The following POLN variants were observed in gnomAD, a reference collection of about 807,000 sequenced individuals.
POLN encodes the protein DNA polymerase N.
POLN carries 108 observed loss-of-function variants against 113.5 expected under a neutral mutation model. The observed-to-expected ratio is 0.95, with a 90% CI of 0.81 to 1.12. The LOEUF (loss-of-function observed/expected upper bound fraction) is 1.12. POLN is among the 50% of genes most tolerant of loss of function. The pLI, the probability that POLN is intolerant of heterozygous loss-of-function variation, is 0.00. For synonymous variants in POLN, 386 were observed against 391.5 expected, an observed-to-expected ratio of 0.99 and a Z score of 0.17; for missense variants, 1,097 against 1,077.1, an observed-to-expected ratio of 1.02 and a Z score of -0.26.
In POLN at chr4:2,088,826, T is replaced by C; in HGVS notation, c.2066-3082A>G. Reference sequence around the variant, plus strand: ...AGGACTTATTTCTTTGTCCTTTACATCTTGAACTTGTCTACTATAAAGAAA... The same window carrying C: ...AGGACTTATTTCTTTGTCCTTTACACCTTGAACTTGTCTACTATAAAGAAA... On this transcript the variant is annotated intron_variant, in intron 20 of 25. Coordinates refer to ENST00000511885, the MANE Select transcript of POLN (RefSeq NM_181808.4). 2.1e-6 allele frequency: 3 copies of C among 1,457,252 alleles called. No homozygotes were observed. In the South Asian group the frequency reaches 3.8e-5, roughly 18 times the overall value. The allele number at this position is 1,457,252 out of a possible 1,614,324, so 90.3% of individuals were successfully genotyped here. A position where few individuals can be genotyped will look rare whatever the true frequency, so the allele number is the denominator to read the frequency against.
At chr4:2,119,073 C>CACTTGCCTG in intron 19 of POLN, among the ~76,000 whole-genome samples, 1 of 152,358 alleles carries the variant, frequency 6.6e-6, no homozygotes, top group East Asian at 1.9e-4. Flanking sequence ...CTGTCTTCCA[C>CACTTGCCTG]ACTTGCCTGT....
chr4:2,174,827 T>G, intron 9 of POLN, 76 bp from the exon 10 acceptor site: 1 of 800,010 alleles, frequency 1.2e-6, no homozygotes. Context: ...AAGCCTACTT[T>G]TTTTTTTTTT....
rs77600900 is a variant in POLN at position 2,237,212 on chromosome 4, C to G, written c.-13+4308G>C. On this transcript the variant is annotated intron_variant, in intron 2 of 25. Coordinates refer to ENST00000511885, the MANE Select transcript of POLN (RefSeq NM_181808.4). ...TAATCCCAGTATTGTGGGAGGGTTA[C>G]TTGAGCCCAGGAGTTCAAGACCAGA... 1.9e-3 allele frequency among the ~76,000 whole-genome samples: 283 copies of G among 151,990 alleles called. 1 individual carries two copies. Among genetic ancestry groups the G allele is most frequent in the African/African-American group, 6.4e-3 (266 of 41,458 alleles).
At chr4:2,199,818 C>T (rs1195041538) in intron 5 of POLN, among the ~76,000 whole-genome samples, 1 of 152,094 alleles carries the variant, frequency 6.6e-6, no homozygotes, top group Non-Finnish European at 1.5e-5. Context: ...CTCAGCCAAT[C>T]CGCCCACCTT....
chr4:2,179,567 C>A, intron 7 of POLN, 102 bp from the exon 8 acceptor site: 1 of 1,158,346 alleles, frequency 8.6e-7, no homozygotes, highest in South Asian at 1.4e-5. Flanking sequence ...GTAGTATTGT[C>A]ATCCTCTCAA....
intron 13 of POLN, among the ~76,000 whole-genome samples, chr4:2,159,457 T>G (rs1363722862): frequency 6.6e-6 from 1 of 152,208 alleles, no homozygotes; most frequent in Non-Finnish European, 1.5e-5. Context: ...TCTTGAGATT[T>G]AAGTTAGCGA....
intron 6 of POLN, among the ~76,000 whole-genome samples, chr4:2,197,303 C>T (rs1733604163): frequency 6.6e-6 from 1 of 152,126 alleles, no homozygotes; most frequent in Admixed American, 6.5e-5. Context: ...CAACTTGTGC[C>T]GAGTAACAGC....
intron 19 of POLN, among the ~76,000 whole-genome samples, chr4:2,098,982 A>G (rs1730862592): frequency 1.3e-5 from 2 of 152,284 alleles, no homozygotes; most frequent in Non-Finnish European, 2.9e-5. Flanking sequence ...GAGCCAACTG[A>G]AAGAGGTCCC....
intron 13 of POLN, 24 bp from the exon 14 acceptor site, chr4:2,159,235 C>T: frequency 1.9e-6 from 3 of 1,543,966 alleles, no homozygotes; most frequent in Non-Finnish European, 2.7e-6. Context: ...TAGATACTAC[C>T]AATGTAATTC....
At position 2,095,320 on chromosome 4, in the gene POLN, C is replaced by T. The variant is rs537833652; in HGVS notation, c.2065+531G>A. ...TTCAGTCCTTCCTGGCCTAGCCCCG[C>T]TTTCTCCTATCTGCTACCCCTGAGA... On this transcript the variant is annotated intron_variant, in intron 20 of 25. Coordinates refer to ENST00000511885, the MANE Select transcript of POLN (RefSeq NM_181808.4). 7.2e-5 allele frequency among the ~76,000 whole-genome samples: 11 copies of T among 152,278 alleles called. No individual in the cohort carries two copies. The East Asian group carries it at 2.1e-3, about 29-fold the overall frequency.
chr4:2,144,271 C>T (rs936207655), intron 16 of POLN, among the ~76,000 whole-genome samples: 21 of 151,178 alleles, frequency 1.4e-4, no homozygotes, highest in African/African-American at 4.6e-4. Context: ...CAGCCTCCCA[C>T]GTAGCTGGGA....
intron 20 of POLN, among the ~76,000 whole-genome samples, chr4:2,087,890 T>C (rs1422129989): frequency 2.0e-5 from 3 of 152,142 alleles, no homozygotes; most frequent in Non-Finnish European, 4.4e-5. Flanking sequence ...TGGAGGGCAA[T>C]GGTATGATCA....
At chr4:2,139,134 C>T (rs556394084) in intron 16 of POLN, among the ~76,000 whole-genome samples, 1 of 152,196 alleles carries the variant, frequency 6.6e-6, no homozygotes, top group Admixed American at 6.5e-5. Flanking sequence ...AGGGGACAAG[C>T]CGCAGGGTCA....
At chr4:2,090,525 A>G (rs370453211) in intron 20 of POLN, 2 of 500,616 alleles carry the variant, frequency 4.0e-6, no homozygotes. Context: ...ATAGCAAAAT[A>G]CAAGAATCAT....
chr4:2,208,636 T>C (rs1733917405), intron 4 of POLN, 149 bp from the exon 5 acceptor site: 1 of 621,484 alleles, frequency 1.6e-6, no homozygotes, highest in Non-Finnish European at 2.5e-6. Flanking sequence ...GGAAACCCTA[T>C]AGTGTCTTCT....
In POLN at chr4:2,214,886, CATACATATACATATATATGTAT is replaced by C. The variant is rs570870831; in HGVS notation, c.134-1782_134-1761del. 1.6e-3 allele frequency among the ~76,000 whole-genome samples: 243 copies of C among 151,204 alleles called. 1 individual carries two copies. Among genetic ancestry groups the C allele is most frequent in the Admixed American group, 4.0e-3 (60 of 15,164 alleles). On this transcript the variant is annotated intron_variant, in intron 3 of 25. Transcript: ENST00000511885. ...ATATATATACACACACACATATACA[CATACATATACATATATATGTAT>C]ATACATATACATATATATGTATATA...
chr4:2,173,163 AGAAAGGGGTTCT>A (rs1391051523), intron 11 of POLN, among the ~76,000 whole-genome samples: 2 of 150,774 alleles, frequency 1.3e-5, no homozygotes, highest in East Asian at 3.9e-4. Context: ...TTTGGCAGCA[AGAAAGGGGTTCT>A]GATAGGGAAA....
intron 2 of POLN, among the ~76,000 whole-genome samples, chr4:2,237,808 C>T (rs1222004537): frequency 6.6e-6 from 1 of 151,950 alleles, no homozygotes; most frequent in Non-Finnish European, 1.5e-5. Context: ...TAATAGTAAA[C>T]TTTTGCTCAG....
intron 16 of POLN, among the ~76,000 whole-genome samples, chr4:2,135,214 G>A (rs932504064): frequency 3.3e-5 from 5 of 152,166 alleles, no homozygotes; most frequent in Non-Finnish European, 1.5e-5. Flanking sequence ...TCAGGCCCCT[G>A]AGGAGTGAGG....
Sources: gnomAD v4.1 joint callset for allele counts (sites outside exome capture counted in the v4.1 genomes callset) on GRCh38, gnomAD v4.1.1 for gene constraint, MANE v1.5 for transcripts, NCBI Gene and HGNC (gene_info 2026-07-23, HGNC 2026-07-21) for gene names.